Variants in CYP24A1 observed in about 807,000 individuals in gnomAD.
The protein encoded by CYP24A1 is cytochrome P450 family 24 subfamily A member 1, also known as 1,25-dihydroxyvitamin D(3) 24-hydroxylase, mitochondrial.
CYP24A1 carries 68 observed loss-of-function variants against 62.4 expected under a neutral mutation model. The observed-to-expected ratio is 1.09, with a 90% CI of 0.90 to 1.33. The LOEUF is 1.33. Ranked by LOEUF, CYP24A1 falls within the 40% of genes most tolerant of loss-of-function variation. The pLI, the probability that CYP24A1 is intolerant of heterozygous loss-of-function variation, is 0.00. For synonymous variants in CYP24A1, 267 were observed against 253.0 expected (o/e 1.06, Z -0.52); for missense variants, 787 against 653.0 (o/e 1.21, Z -2.24).
At chr20:54,158,527 C>T (rs2092637957) in intron 8 of CYP24A1, among the ~76,000 whole-genome samples, 1 of 152,100 alleles carries the variant, frequency 6.6e-6, no homozygotes, top group Non-Finnish European at 1.5e-5. Context: ...CCTTCTAATC[C>T]TAAAATGTTG....
rs376545817 is a variant in CYP24A1, at chr20:54,159,118, T to G, written c.996A>C (p.Ala332=). 22 of 1,612,058 alleles carry G rather than the reference T, an allele frequency of 1.4e-5. No homozygotes were observed. The highest frequency in any genetic ancestry group is 1.8e-5 in the Non-Finnish European group (21 of 1,178,196). ...ELQLAAVETT[A]NSLMWILYNL... The stretch of plus-strand genomic sequence containing the variant: ...TGTAGAGAATCCACATTAGACTGTT[T>G]GCTGTCTGCAAGCCAAATGGACATA... Residue 332 remains alanine (A), a synonymous_variant, in exon 8 of 12, where the codon GCA becomes GCC. Transcript: ENST00000216862.
Position 54,161,745 on chromosome 20 carries a change from A to T in CYP24A1, c.990+972T>A, listed in dbSNP as rs546197405. Among the ~76,000 whole-genome samples, 4 of 152,282 alleles carry T rather than the reference A, an allele frequency of 2.6e-5. No homozygotes were observed. In the South Asian group the frequency reaches 8.3e-4, roughly 32 times the overall value. ...GGAGCCACCCAGGGTAAGCAGTTCA[A>T]CAGGAAAGTGAGCGAGGATGGATTC... On this transcript the variant is annotated intron_variant, in intron 7 of 11. Transcript: ENST00000216862.
chr20:54,172,914 C>T lies in CYP24A1; in HGVS notation c.444G>A (p.Leu148=). 3.7e-6 allele frequency: 6 copies of T among 1,613,780 alleles called. No homozygotes were observed. The highest frequency in any genetic ancestry group is 5.1e-6 in the Non-Finnish European group (6 of 1,180,030). The change falls in exon 2 of 12, where the codon CTG becomes CTA. Residue 148 remains leucine, a synonymous_variant. Coordinates refer to ENST00000216862, the MANE Select transcript of CYP24A1 (RefSeq NM_000782.5). ...GTCCCTCGGATTGGACTCACAGGAT[C>T]AGCAGCCCGTAGCCTTCTTTGCGGT... ...RDYRKEGYGL[L]ILEGEDWQRV... is the part of the protein sequence containing the mutation.
At chr20:54,158,872 C>A (rs551946787) in intron 8 of CYP24A1, 85 bp downstream of exon 8, 54 of 1,604,198 alleles carry the variant, frequency 3.4e-5, no homozygotes, top group Non-Finnish European at 4.4e-5. Flanking sequence ...TAGGGGAAGC[C>A]GCCCATGAGT....
intron 5 of CYP24A1, among the ~76,000 whole-genome samples, chr20:54,165,034 G>T (rs1283610473): frequency 3.3e-5 from 5 of 152,144 alleles, no homozygotes; most frequent in Non-Finnish European, 7.4e-5. Flanking sequence ...AATTAAAATA[G>T]CTATTTTAAC....
rs2146503011 is a variant in CYP24A1 at position 54,169,640 on chromosome 20, C to T, written c.592G>A (p.Gly198Ser). 6.2e-7 allele frequency: 1 copy of T among 1,614,168 alleles called. No individual in the cohort carries two copies. The highest frequency in any genetic ancestry group is 8.5e-7 in the Non-Finnish European group (1 of 1,180,030). Residue 198 changes from glycine (G) to serine (S), a missense_variant, in exon 4 of 12, where the codon GGC becomes AGC. Coordinates refer to ENST00000216862, the MANE Select transcript of CYP24A1 (RefSeq NM_000782.5). ...TCGCTGTACAAGTCTTCAACGTGGC[C>T]TCTTTCATCACAGAGCTCATCTATT... ...GRIDELCDER[G>S]HVEDLYSELN...
At chr20:54,158,860 G>C in intron 8 of CYP24A1, 97 bp downstream of exon 8, 3 of 1,597,508 alleles carry the variant, frequency 1.9e-6, no homozygotes, top group Non-Finnish European at 2.6e-6. Flanking sequence ...TTTCTAATTA[G>C]CTAGGGGAAG....
rs561223443 is a variant in CYP24A1 at position 54,165,618 on chromosome 20, A to G, written c.732+124T>C. On this transcript the variant is annotated intron_variant, in intron 5 of 11. Coordinates refer to ENST00000216862, the MANE Select transcript of CYP24A1 (RefSeq NM_000782.5). ...AAAATATATAATGCACATTAAAATG[A>G]ACACTTAACTATTGAAATAAAATAT... 45 of 732,728 alleles carry G rather than the reference A, an allele frequency of 6.1e-5. 1 individual carries two copies. Among genetic ancestry groups the G allele is most frequent in the Admixed American group, 7.9e-5 (4 of 50,472 alleles). 45.4% of individuals were successfully genotyped at this position (732,728 alleles called of 1,614,324 possible). A position where few individuals can be genotyped will look rare whatever the true frequency, so the allele number is the denominator to read the frequency against.
chr20:54,162,223 T>TTG (rs1269682597), intron 7 of CYP24A1, among the ~76,000 whole-genome samples: 3,996 of 33,556 alleles, frequency 0.12, 175 homozygotes, highest in African/African-American at 0.15. Flanking sequence ...AGTATGCCTT[T>TTG]TTTTTTTTTT....
intron 7 of CYP24A1, among the ~76,000 whole-genome samples, chr20:54,162,225 T>G (rs77815810): frequency 0.059 from 1,039 of 17,608 alleles, 9 homozygotes; most frequent in South Asian, 0.13. Flanking sequence ...TATGCCTTTT[T>G]TTTTTTTTTT....
At chr20:54,163,992 G>A (rs961242546) in intron 6 of CYP24A1, among the ~76,000 whole-genome samples, 16 of 152,268 alleles carry the variant, frequency 1.1e-4, no homozygotes, top group East Asian at 5.8e-4. Flanking sequence ...ATGGAGTGCA[G>A]TGGCTCAGTC....
Position 54,169,636 on chromosome 20 carries a change from T to C in CYP24A1, c.596A>G (p.His199Arg), listed in dbSNP as rs2092687011. 3 of 1,614,104 alleles carry C rather than the reference T, an allele frequency of 1.9e-6. No individual in the cohort carries two copies. Among genetic ancestry groups the C allele is most frequent in the Admixed American group, 1.7e-5 (1 of 60,014 alleles). The change falls in exon 4 of 12, where the codon CAC becomes CGC. Residue 199 changes from histidine to arginine, a missense_variant. Coordinates refer to ENST00000216862, the MANE Select transcript of CYP24A1 (RefSeq NM_000782.5). ...RIDELCDERG[H>R]VEDLYSELNK... Reference sequence around the variant, plus strand: ...CAGTTCGCTGTACAAGTCTTCAACGTGGCCTCTTTCATCACAGAGCTCATC... The same window carrying C: ...CAGTTCGCTGTACAAGTCTTCAACGCGGCCTCTTTCATCACAGAGCTCATC...
chr20:54,165,852 A>T lies in CYP24A1; in HGVS notation c.641-19T>A. The T allele has an allele frequency of 9.2e-7, 1 of 1,092,648 alleles. No individual in the cohort carries two copies. The highest frequency in any genetic ancestry group is 1.4e-6 in the Non-Finnish European group (1 of 703,168). 67.7% of individuals were successfully genotyped at this position (1,092,648 alleles called of 1,614,324 possible). A position where few individuals can be genotyped will look rare whatever the true frequency, so the allele number is the denominator to read the frequency against. On this transcript the variant is annotated intron_variant, in intron 4 of 11. Coordinates refer to ENST00000216862, the MANE Select transcript of CYP24A1 (RefSeq NM_000782.5). ...CAGATACCTGTCATTTAAAATAATC[A>T]TCACTTTACACAAACAGCAATGCTG...
At chr20:54,151,266 A>G (rs578243993), downstream of CYP24A1, among the ~76,000 whole-genome samples, 5 of 152,268 alleles carry the variant, frequency 3.3e-5, no homozygotes, top group East Asian at 1.9e-4. Flanking sequence ...TTGCCATGGC[A>G]TTTGTAAACT....
Position 54,165,755 on chromosome 20 carries a change from A to G in CYP24A1, c.719T>C (p.Met240Thr). ...GAGGCTGCTTACTGTTTTGATGGCC[A>G]TGATGAAGTTCACAGCTTCATCCCC... ...NAGDEAVNFIMAIKTMMSTFG... is the reference protein window; with the variant it reads ...NAGDEAVNFITAIKTMMSTFG... The change falls in exon 5 of 12, where the codon ATG becomes ACG. Residue 240 changes from methionine (M) to threonine (T), a missense_variant. Physicochemically the swap from Met to Thr is moderately conservative, Grantham distance 81 (BLOSUM62 -1). Coordinates refer to ENST00000216862, the MANE Select transcript of CYP24A1 (RefSeq NM_000782.5). The G allele has an allele frequency of 6.8e-7, 1 of 1,475,170 alleles. No individual in the cohort carries two copies. Among genetic ancestry groups the G allele is most frequent in the Non-Finnish European group, 9.5e-7 (1 of 1,052,828 alleles). 91.4% of individuals were successfully genotyped at this position (1,475,170 alleles called of 1,614,324 possible). A position where few individuals can be genotyped will look rare whatever the true frequency, so the allele number is the denominator to read the frequency against.
At chr20:54,149,753 G>C (rs1324254929), downstream of CYP24A1, among the ~76,000 whole-genome samples, 1 of 152,168 alleles carries the variant, frequency 6.6e-6, no homozygotes, top group Non-Finnish European at 1.5e-5. Flanking sequence ...GACTATGGAA[G>C]GATGTAGCCC....
At chr20:54,168,692 CTTT>C (rs1024691370) in intron 4 of CYP24A1, among the ~76,000 whole-genome samples, 15 of 152,024 alleles carry the variant, frequency 9.9e-5, no homozygotes, top group South Asian at 2.1e-4. Flanking sequence ...CTCTTTTCTT[CTTT>C]ATTTCTTTTC....
At chr20:54,168,759 T>C (rs111241406) in intron 4 of CYP24A1, among the ~76,000 whole-genome samples, 20,207 of 111,450 alleles carry the variant, frequency 0.18, 2,270 homozygotes, top group Non-Finnish European at 0.23. Flanking sequence ...TCCTTCCTTC[T>C]CTCCCTCCTT....
intron 3 of CYP24A1, among the ~76,000 whole-genome samples, chr20:54,171,202 CGTGGG>C (rs1439193590): frequency 3.5e-4 from 54 of 152,220 alleles, no homozygotes; most frequent in Non-Finnish European, 2.9e-5. Flanking sequence ...ACAGCAAACC[CGTGGG>C]GTGGGAACTG....
Sources: allele counts gnomAD v4.1 joint callset (sites outside exome capture counted in the v4.1 genomes callset), GRCh38; gene constraint gnomAD v4.1.1; transcripts MANE v1.5; gene names NCBI Gene and HGNC (gene_info 2026-07-23, HGNC 2026-07-21).